Variants in LAMA5 observed in about 807,000 individuals in gnomAD.
LAMA5 encodes the protein laminin subunit alpha 5.
LAMA5 carries 260 observed loss-of-function variants against 433.4 expected under a neutral mutation model. The observed-to-expected ratio is 0.60, with a 90% CI of 0.54 to 0.66. The LOEUF (loss-of-function observed/expected upper bound fraction) is 0.66. Among genes scored for constraint, LAMA5 ranks in the 30% least tolerant of loss-of-function variants. The pLI, the probability that LAMA5 is intolerant of heterozygous loss-of-function variation, is 0.00. For synonymous variants in LAMA5, 2,620 were observed against 2,226.6 expected (o/e 1.18, Z -4.97); for missense variants, 5,378 against 5,258.5 (o/e 1.02, Z -0.70).
chr20:62,312,194 C>T lies in LAMA5; in HGVS notation c.9483G>A (p.Leu3161=), dbSNP rs763092599. ...TCACCGGGGACGCCCGGTAGTAGAG[C>T]AGGGCACTGTCCTGGGCGCTGTGGA... ...FGFHSAQDSA[L]LYYRASPDGL... The change falls in exon 69 of 80, where the codon CTG becomes CTA. Residue 3161 remains leucine, a synonymous_variant. Coordinates refer to ENST00000252999, the MANE Select transcript of LAMA5 (RefSeq NM_005560.6). 6.2e-7 allele frequency: 1 copy of T among 1,610,712 alleles called. No homozygotes were observed. The highest frequency in any genetic ancestry group is 8.5e-7 in the Non-Finnish European group (1 of 1,179,274).
intron 12 of LAMA5, 28 bp from the exon 13 acceptor site, chr20:62,338,397 G>A: frequency 6.2e-7 from 1 of 1,606,944 alleles, no homozygotes; most frequent in Non-Finnish European, 8.5e-7. Flanking sequence ...CCACATGCTT[G>A]GTCAGAGGCA....
intron 23 of LAMA5, 42 bp downstream of exon 23, chr20:62,333,859 G>A (rs746108320): frequency 1.5e-4 from 222 of 1,500,752 alleles, no homozygotes; most frequent in Non-Finnish European, 2.0e-4. Flanking sequence ...GGGGTGGGCT[G>A]GGCTGGTGGG....
chr20:62,358,832 C>A (rs1985621681), intron 2 of LAMA5, among the ~76,000 whole-genome samples: 1 of 152,162 alleles, frequency 6.6e-6, no homozygotes, highest in Admixed American at 6.5e-5. Flanking sequence ...TTCAGCAGAG[C>A]TTTGCCTCCT....
At chr20:62,353,503 G>A (rs1231842858) in intron 2 of LAMA5, among the ~76,000 whole-genome samples, 1 of 152,178 alleles carries the variant, frequency 6.6e-6, no homozygotes, top group Non-Finnish European at 1.5e-5. Context: ...GGACCAACGC[G>A]CTGCCTCCTC....
At chr20:62,361,343 C>T (rs1377926318) in intron 2 of LAMA5, among the ~76,000 whole-genome samples, 1 of 152,160 alleles carries the variant, frequency 6.6e-6, no homozygotes, top group Non-Finnish European at 1.5e-5. Context: ...CCACAGGGCT[C>T]TGCAAGTTCA....
rs201119098 is a variant in LAMA5, at chr20:62,336,415, C to G, written c.2248G>C (p.Val750Leu). 3.7e-6 allele frequency: 6 copies of G among 1,612,600 alleles called. No homozygotes were observed. The South Asian group carries it at 5.5e-5, about 15-fold the overall frequency. Residue 750 changes from valine (V) to leucine (L), a missense_variant, in exon 18 of 80, where the codon GTG (valine) becomes CTG (leucine). Val to Leu is a conservative substitution (Grantham distance 32, BLOSUM62 1). Transcript: ENST00000252999. ...AQVPCMCRAH[V>L]EGPSCDRCKP... ...CAGCGGTCACAGCTCGGCCCCTCCACGTGAGCCCGGCACATACAGGGAACC... is the reference window on the plus strand; with the variant it reads ...CAGCGGTCACAGCTCGGCCCCTCCAGGTGAGCCCGGCACATACAGGGAACC...
chr20:62,347,587 C>T (rs964909689), intron 6 of LAMA5, among the ~76,000 whole-genome samples: 8 of 152,364 alleles, frequency 5.3e-5, no homozygotes, highest in South Asian at 2.1e-4. Flanking sequence ...CCAAGAACTG[C>T]TTCCTTCTTC....
chr20:62,333,449 G>A lies in LAMA5; in HGVS notation c.3054C>T (p.Tyr1018=), dbSNP rs1046677136. 12 of 1,612,608 alleles carry A rather than the reference G, an allele frequency of 7.4e-6. No individual in the cohort carries two copies. The highest frequency in any genetic ancestry group is 4.4e-5 in the South Asian group (4 of 91,080). ...CCCGCAGCTGCAGGAGCGCCGCCTCGTAGTATGCGCTAGGCAGCAGAACCA... is the reference window on the plus strand; with the variant it reads ...CCCGCAGCTGCAGGAGCGCCGCCTCATAGTATGCGCTAGGCAGCAGAACCA... ...DYVVLLPSAY[Y]EAALLQLRVT... Residue 1018 remains tyrosine (Y), a synonymous_variant, in exon 25 of 80, where the codon TAC becomes TAT. Coordinates refer to ENST00000252999, the MANE Select transcript of LAMA5 (RefSeq NM_005560.6).
In LAMA5 at chr20:62,313,269, G is replaced by A. The variant is rs375109421; in HGVS notation, c.8793-19C>T. 1.4e-4 allele frequency: 218 copies of A among 1,541,564 alleles called. No homozygotes were observed. In the African/African-American group the frequency reaches 2.6e-3, roughly 19 times the overall value. On this transcript the variant is annotated intron_variant, in intron 64 of 79. Coordinates refer to ENST00000252999, the MANE Select transcript of LAMA5 (RefSeq NM_005560.6). ...CTTGGAGCTGCAGGTCGGAGATTCT[G>A]GGGTCAGCGGAGGGTGGGGTGGGGT... is the stretch of plus-strand genomic sequence containing the variant.
intron 5 of LAMA5, 34 bp from the exon 6 acceptor site, chr20:62,351,835 C>T (rs558601312): frequency 2.7e-5 from 43 of 1,585,666 alleles, no homozygotes; most frequent in Admixed American, 2.4e-4. Context: ...ACCAGGCGGC[C>T]AGGCCTCACT....
intron 51 of LAMA5, 155 bp from the exon 52 acceptor site, chr20:62,319,168 A>G: frequency 1.4e-6 from 1 of 709,540 alleles, no homozygotes; most frequent in Non-Finnish European, 2.3e-6. Flanking sequence ...CACCTGGCGA[A>G]AGGCCACAGC....
chr20:62,329,716 C>CCCA, intron 32 of LAMA5, 61 bp downstream of exon 32: 2 of 1,590,014 alleles, frequency 1.3e-6, no homozygotes, highest in South Asian at 2.3e-5. Flanking sequence ...AAGTGTACCA[C>CCCA]AGTGGTAATG....
At chr20:62,327,832 G>A (rs750843521) in intron 36 of LAMA5, 34 bp downstream of exon 36, 2 of 1,587,530 alleles carry the variant, frequency 1.3e-6, no homozygotes, top group East Asian at 2.2e-5. Flanking sequence ...GAGGCCGGAG[G>A]GAGAGGCCAG....
Position 62,338,505 on chromosome 20 carries a change from C to G in LAMA5, c.1581G>C (p.Glu527Asp). ...GGCCGTAGAACCCTGGCGCGCAGAG[C>G]TCACAATGGGTGCCTTGGAAGTTGG... ...CKPNFQGTHCELCAPGFYGPG... is the reference protein window; with the variant it reads ...CKPNFQGTHCDLCAPGFYGPG... The change falls in exon 12 of 80, where the codon GAG becomes GAC. Residue 527 changes from glutamate to aspartate, a missense_variant. Coordinates refer to ENST00000252999, the MANE Select transcript of LAMA5 (RefSeq NM_005560.6). The G allele has an allele frequency of 6.2e-7, 1 of 1,609,740 alleles. No homozygotes were observed. Among genetic ancestry groups the G allele is most frequent in the Non-Finnish European group, 8.5e-7 (1 of 1,178,942 alleles).
intron 11 of LAMA5, among the ~76,000 whole-genome samples, chr20:62,342,694 A>AGTGGAGGGG (rs1303582988): frequency 2.0e-5 from 3 of 149,094 alleles, no homozygotes; most frequent in Non-Finnish European, 4.4e-5. Context: ...AAAACAAAAA[A>AGTGGAGGGG]ACAAAAAAAA....
chr20:62,329,695 A>C, intron 32 of LAMA5, 82 bp downstream of exon 32: 1 of 1,539,888 alleles, frequency 6.5e-7, no homozygotes, highest in Non-Finnish European at 8.8e-7. Context: ...CAGAAGAGAC[A>C]GACCCAGCCC....
At position 62,359,506 on chromosome 20, in the gene LAMA5, G is replaced by T. The variant is rs944058621; in HGVS notation, c.450+2894C>A. On this transcript the variant is annotated intron_variant, in intron 2 of 79. Transcript: ENST00000252999. The surrounding 1 kb of genome is among the most constrained non-coding windows in gnomAD (Gnocchi z 4.3). ...GGCCTGGGGCCTGGGGCCTGGGTGT[G>T]GTTCTCGGAAGAAGGAGCCTGAGGC... 1.5e-4 allele frequency among the ~76,000 whole-genome samples: 23 copies of T among 151,942 alleles called. No individual in the cohort carries two copies. Among genetic ancestry groups the T allele is most frequent in the Admixed American group, 1.5e-3 (23 of 15,266 alleles).
At chr20:62,362,790 G>C (rs1369568016) in intron 1 of LAMA5, among the ~76,000 whole-genome samples, 2 of 152,164 alleles carry the variant, frequency 1.3e-5, no homozygotes, top group Non-Finnish European at 2.9e-5. Context: ...GGAAGACCAG[G>C]GTGGAGAGGG....
Position 62,346,870 on chromosome 20 carries a change from C to G in LAMA5, c.1072+43G>C, listed in dbSNP as rs988167873. On this transcript the variant is annotated intron_variant, in intron 7 of 79. Coordinates refer to ENST00000252999, the MANE Select transcript of LAMA5 (RefSeq NM_005560.6). ...CGGGCACCGGGGCCCTCTCATGGGC[C>G]AGGGTGTGGGCAGGACACACGTGTG... The G allele has an allele frequency of 3.7e-6, 6 of 1,608,828 alleles. No homozygotes were observed. In the African/African-American group the frequency reaches 8.0e-5, roughly 21 times the overall value.
Sources: gnomAD v4.1 joint callset for allele counts (sites outside exome capture counted in the v4.1 genomes callset) on GRCh38, gnomAD v4.1.1 for gene constraint, Gnocchi (gnomAD v3.1) non-coding constraint, MANE v1.5 for transcripts, NCBI Gene and HGNC (gene_info 2026-07-23, HGNC 2026-07-21) for gene names.